Variants in DNAH5 observed in about 807,000 individuals in gnomAD.
DNAH5 encodes the protein axonemal beta dynein heavy chain 5.
DNAH5 carries 372 observed loss-of-function variants against 518.2 expected under a neutral mutation model. The ratio of observed to expected loss-of-function variants is 0.72; its 90% CI spans 0.66 to 0.78. The LOEUF (loss-of-function observed/expected upper bound fraction) is 0.78, where lower values mean the gene tolerates loss of function less well. Ranked by LOEUF, DNAH5 falls within the 30% of genes least tolerant of loss-of-function variation. The pLI, the probability that DNAH5 is intolerant of heterozygous loss-of-function variation, is 0.00. For synonymous variants in DNAH5, 2,039 were observed against 2,025.9 expected (o/e 1.01, Z -0.17); for missense variants, 5,523 against 5,687.0 (o/e 0.97, Z 0.93).
At chr5:13,750,931 A>G in intron 65 of DNAH5, 147 bp downstream of exon 65, 1 of 909,504 alleles carries the variant, frequency 1.1e-6, no homozygotes, top group South Asian at 1.6e-5. Context: ...TTAGGAAAAA[A>G]AGAAAACACT....
chr5:13,902,261 T>C (rs1214977267), intron 12 of DNAH5, 123 bp from the exon 13 acceptor site: 6 of 705,958 alleles, frequency 8.5e-6, no homozygotes, highest in South Asian at 5.1e-5. Flanking sequence ...TAACCGAAAA[T>C]TGAATGAGCT....
Position 13,829,614 on chromosome 5 carries a change from T to A in DNAH5, c.6340A>T (p.Ile2114Phe). The change falls in exon 38 of 79, where the codon ATC becomes TTC. Residue 2114 changes from isoleucine (I) to phenylalanine (F), a missense_variant. Around this residue, in one of 3 missense-constraint regions of DNAH5, gnomAD observed 5,121 missense variants for 5,223.3 expected, o/e 0.98. Coordinates refer to ENST00000265104, the MANE Select transcript of DNAH5 (RefSeq NM_001369.3). The part of the protein sequence containing the change: ...VAMMVPDRQI[I>F]IRVKLASCGF... ...CAACTAGCCAACTTCACCCTTATGA[T>A]AATCTGACGGTCAGGCACCATCATG... The A allele has an allele frequency of 6.2e-7, 1 of 1,614,206 alleles. No individual in the cohort carries two copies. The highest frequency in any genetic ancestry group is 8.5e-7 in the Non-Finnish European group (1 of 1,180,036).
At position 13,847,142 on chromosome 5, in the gene DNAH5, G is replaced by C. The variant is rs190718354; in HGVS notation, c.5115-2149C>G. ...GACACAGTCTGATTACCGCAACTCC[G>C]ATTACGATCTGATCTGTGTGAAGAC... On this transcript the variant is annotated intron_variant, in intron 31 of 78. Coordinates refer to ENST00000265104, the MANE Select transcript of DNAH5 (RefSeq NM_001369.3). Among the ~76,000 whole-genome samples the C allele has an allele frequency of 2.2e-3, 331 of 152,262 alleles. 2 individuals are homozygous for C. The highest frequency in any genetic ancestry group is 7.8e-3 in the African/African-American group (322 of 41,538).
chr5:14,002,658 TA>T (rs1449115440), intron 1 of DNAH5, among the ~76,000 whole-genome samples: 1 of 151,982 alleles, frequency 6.6e-6, no homozygotes, highest in African/African-American at 2.4e-5. Flanking sequence ...CACAGTAGCT[TA>T]AAAAAACTAC....
At chr5:13,700,369 TATCTC>T (rs1411372950) in intron 78 of DNAH5, among the ~76,000 whole-genome samples, 2 of 152,224 alleles carry the variant, frequency 1.3e-5, no homozygotes, top group African/African-American at 4.8e-5. Flanking sequence ...ATTTCTTTCT[TATCTC>T]ATCAGCTAAT....
intron 64 of DNAH5, 49 bp from the exon 65 acceptor site, chr5:13,751,309 A>G: frequency 6.8e-7 from 1 of 1,470,548 alleles, no homozygotes; most frequent in Non-Finnish European, 9.3e-7. Context: ...GATATACCTT[A>G]CTGTGTCTTT....
chr5:13,794,745 C>T (rs536221011), intron 47 of DNAH5, among the ~76,000 whole-genome samples: 2 of 152,208 alleles, frequency 1.3e-5, no homozygotes, highest in Admixed American at 6.5e-5. Context: ...GCGGGCAGAT[C>T]ACGAGGTCAG....
intron 1 of DNAH5, among the ~76,000 whole-genome samples, chr5:13,960,515 C>T (rs1020501938): frequency 6.6e-6 from 1 of 152,192 alleles, no homozygotes; most frequent in African/African-American, 2.4e-5. Context: ...TCTGTATTGC[C>T]CATGGCTGCG....
chr5:13,898,211 A>G (rs1418783004), intron 15 of DNAH5: 2 of 190,794 alleles, frequency 1.0e-5, no homozygotes, highest in Non-Finnish European at 2.1e-5. Flanking sequence ...TTCTTTACCC[A>G]TAAAGTCATG....
Position 13,844,887 on chromosome 5 carries a change from G to A in DNAH5, c.5221C>T (p.His1741Tyr). The A allele has an allele frequency of 1.2e-6, 2 of 1,614,182 alleles. No homozygotes were observed. The highest frequency in any genetic ancestry group is 4.5e-5 in the East Asian group (2 of 44,882). Residue 1741 changes from histidine (H) to tyrosine (Y), a missense_variant, in exon 32 of 79, where the codon CAT (histidine) becomes TAT (tyrosine). By Grantham distance (83) the His-to-Tyr change is moderately conservative. Around this residue, in one of 3 missense-constraint regions of DNAH5, gnomAD observed 5,121 missense variants for 5,223.3 expected, o/e 0.98. Transcript: ENST00000265104. ...ATGTTGTCAAACACATTCAGCAAATGGGCCTGTATAGTGTGGGAGTCCGAC... is the reference window on the plus strand; with the variant it reads ...ATGTTGTCAAACACATTCAGCAAATAGGCCTGTATAGTGTGGGAGTCCGAC... The part of the protein sequence containing the change: ...QASDSHTIQA[H>Y]LLNVFDNIKS...
intron 22 of DNAH5, among the ~76,000 whole-genome samples, chr5:13,874,708 T>C (rs140347490): frequency 2.0e-5 from 3 of 152,076 alleles, no homozygotes; most frequent in Admixed American, 6.6e-5. Context: ...AGTGGAAACA[T>C]AGTTTTACCA....
At chr5:13,847,063 G>T (rs1294938914) in intron 31 of DNAH5, among the ~76,000 whole-genome samples, 1 of 152,140 alleles carries the variant, frequency 6.6e-6, no homozygotes, top group African/African-American at 2.4e-5. Context: ...GGAGGCTGTG[G>T]TGTGTGACAG....
intron 1 of DNAH5, among the ~76,000 whole-genome samples, chr5:13,983,568 G>A (rs760329160): frequency 2.0e-5 from 3 of 152,304 alleles, no homozygotes; most frequent in Non-Finnish European, 4.4e-5. Flanking sequence ...GCACAGGCAA[G>A]GTAGGATAAG....
intron 28 of DNAH5, among the ~76,000 whole-genome samples, chr5:13,863,028 T>C (rs1466994517): frequency 6.6e-6 from 1 of 151,984 alleles, no homozygotes; most frequent in African/African-American, 2.4e-5. Flanking sequence ...TGACAGAAAA[T>C]ATATGCAAAT....
intron 1 of DNAH5, chr5:13,932,287 AT>A (rs1294129541): frequency 2.6e-5 from 4 of 152,200 alleles, no homozygotes; most frequent in African/African-American, 9.7e-5. Flanking sequence ...ATGCAGGGGC[AT>A]TTATGGGTCT....
intron 52 of DNAH5, among the ~76,000 whole-genome samples, chr5:13,783,028 G>A (rs1016943579): frequency 6.6e-6 from 1 of 152,212 alleles, no homozygotes; most frequent in Non-Finnish European, 1.5e-5. Flanking sequence ...ACAGAGACAG[G>A]AGTGATGGCA....
At position 13,788,875 on chromosome 5, in the gene DNAH5, T is replaced by C. The variant is rs1448541115; in HGVS notation, c.8488A>G (p.Ile2830Val). ...KLWKHECKRV[I>V]ADRFTVSSDV... is the part of the protein sequence containing the mutation. ...CTGGACACTGTGAAACGGTCAGCTA[T>C]AACACGTTTACACTCATGCTTCCAC... The change falls in exon 51 of 79, where the codon ATA becomes GTA. Residue 2830 changes from isoleucine to valine, a missense_variant. Physicochemically the swap from Ile to Val is conservative, Grantham distance 29. Coordinates refer to ENST00000265104, the MANE Select transcript of DNAH5 (RefSeq NM_001369.3). 2 of 1,614,154 alleles carry C rather than the reference T, an allele frequency of 1.2e-6. No homozygotes were observed. The highest frequency in any genetic ancestry group is 8.5e-7 in the Non-Finnish European group (1 of 1,180,016).
At chr5:13,820,240 A>G in intron 41 of DNAH5, 106 bp downstream of exon 41, 1 of 1,161,104 alleles carries the variant, frequency 8.6e-7, no homozygotes, top group Non-Finnish European at 1.2e-6. Context: ...ATTTCCTCCT[A>G]TAAAAATATA....
At chr5:13,928,061 A>G (rs1377825585) in intron 3 of DNAH5, 33 bp downstream of exon 3, 1 of 1,542,070 alleles carries the variant, frequency 6.5e-7, no homozygotes, top group East Asian at 2.2e-5. Flanking sequence ...CTAATAACAC[A>G]TTTCTGGGTT....
Sources: allele counts gnomAD v4.1 joint callset (sites outside exome capture counted in the v4.1 genomes callset), GRCh38; gene constraint gnomAD v4.1.1; regional missense constraint gnomAD v4.1.1; transcripts MANE v1.5; gene names NCBI Gene and HGNC (gene_info 2026-07-23, HGNC 2026-07-21).